Variants in EPG5 observed in about 807,000 individuals in gnomAD.
The protein encoded by EPG5 is ectopic P-granules 5 autophagy tethering factor.
EPG5 carries 159 observed loss-of-function variants against 302.7 expected under a neutral mutation model. That is an observed-to-expected ratio of 0.53 (90% CI 0.46 to 0.60). EPG5 has a LOEUF of 0.60. EPG5 is among the 20% of genes least tolerant of loss of function. The pLI is 0.00. For missense variants in EPG5, 2,896 were observed against 3,092.4 expected (o/e 0.94, Z 1.51); for synonymous variants, 1,158 against 1,136.8 (o/e 1.02, Z -0.37).
At chr18:45,935,415 G>A (rs1241140389) in intron 10 of EPG5, among the ~76,000 whole-genome samples, 1 of 152,186 alleles carries the variant, frequency 6.6e-6, no homozygotes, top group Admixed American at 6.5e-5. Context: ...GGTGGCGCAT[G>A]CCTGTAATTC....
intron 28 of EPG5, among the ~76,000 whole-genome samples, chr18:45,888,138 C>T (rs927360028): frequency 1.3e-5 from 2 of 151,708 alleles, no homozygotes; most frequent in Non-Finnish European, 2.9e-5. Context: ...CAGAGTCTCA[C>T]TCTGTCACCC....
chr18:45,882,326 A>G lies in EPG5; in HGVS notation c.5466T>C (p.Leu1822=), dbSNP rs1252216620. ...TGTACTGGTCAGGAAACTGGTAGAG[A>G]AGAAGATAAGTCCAGTGCTTACAGA... ...NLFCKHWTYL[L]LYQFPDQYSD... Residue 1822 remains leucine (L), a synonymous_variant, in exon 31 of 44, where the codon CTT becomes CTC. Coordinates refer to ENST00000282041, the MANE Select transcript of EPG5 (RefSeq NM_020964.3). 4.3e-6 allele frequency: 7 copies of G among 1,614,064 alleles called. No homozygotes were observed. The African/African-American group carries it at 6.7e-5, about 15-fold the overall frequency.
intron 35 of EPG5, among the ~76,000 whole-genome samples, chr18:45,871,358 G>A (rs2048868543): frequency 6.6e-6 from 1 of 152,058 alleles, no homozygotes; most frequent in Non-Finnish European, 1.5e-5. Flanking sequence ...AACCATTATG[G>A]AAAAAGGCAT....
At chr18:45,901,471 T>G (rs185883849) in intron 25 of EPG5, among the ~76,000 whole-genome samples, 13 of 152,168 alleles carry the variant, frequency 8.5e-5, no homozygotes, top group Non-Finnish European at 1.9e-4. Context: ...AATAATGGTT[T>G]AGGTAAATGG....
At chr18:45,920,297 A>C (rs1046421370) in intron 16 of EPG5, among the ~76,000 whole-genome samples, 6 of 152,230 alleles carry the variant, frequency 3.9e-5, no homozygotes, top group African/African-American at 1.2e-4. Context: ...AATAAAACAC[A>C]GTGAGTGTGC....
the EPG5 span, among the ~76,000 whole-genome samples, chr18:45,804,504 T>A: frequency 6.6e-6 from 1 of 152,066 alleles, no homozygotes; most frequent in African/African-American, 2.4e-5. Context: ...TGGCAAAGTG[T>A]CAAAAGCATG....
In EPG5 at chr18:45,916,414, C is replaced by G. The variant is rs1051867345; in HGVS notation, c.3384+24G>C. Reference sequence around the variant, plus strand: ...GGTTGGGAAGACAGGCGGGAGTGTGCTTAGGGGCTTGCAAGGCCCTCACCT... The same window carrying G: ...GGTTGGGAAGACAGGCGGGAGTGTGGTTAGGGGCTTGCAAGGCCCTCACCT... On this transcript the variant is annotated intron_variant, in intron 18 of 43. Transcript: ENST00000282041. 3 of 1,602,362 alleles carry G rather than the reference C, an allele frequency of 1.9e-6. No homozygotes were observed. In the African/African-American group the frequency reaches 4.0e-5, roughly 21 times the overall value.
intron 1 of EPG5, among the ~76,000 whole-genome samples, chr18:45,964,320 A>G (rs927900135): frequency 6.6e-6 from 1 of 152,224 alleles, no homozygotes; most frequent in Non-Finnish European, 1.5e-5. Flanking sequence ...CTGGATTGAG[A>G]GTCAGGATTT....
At chr18:45,878,265 G>T in intron 34 of EPG5, 111 bp downstream of exon 34, 1 of 677,432 alleles carries the variant, frequency 1.5e-6, no homozygotes, top group South Asian at 1.8e-5. Context: ...ATTTAAATAT[G>T]GCCTTACACT....
intron 31 of EPG5, 103 bp from the exon 32 acceptor site, chr18:45,880,326 C>A: frequency 1.8e-6 from 2 of 1,139,138 alleles, no homozygotes; most frequent in Non-Finnish European, 2.3e-6. Flanking sequence ...AAAAATAAAG[C>A]CAAAATCCAA....
chr18:45,921,904 A>G (rs2050161516), intron 16 of EPG5, among the ~76,000 whole-genome samples: 1 of 151,590 alleles, frequency 6.6e-6, no homozygotes, highest in Non-Finnish European at 1.5e-5. Context: ...TGGCACATGT[A>G]TATGTATGTA....
chr18:45,902,660 T>C (rs188465570), intron 25 of EPG5, among the ~76,000 whole-genome samples: 188 of 152,338 alleles, frequency 1.2e-3, no homozygotes, highest in African/African-American at 4.4e-3. Context: ...ATTAAATCAT[T>C]TGATATAATC....
rs766875773 is a variant in EPG5, at chr18:45,904,086, C to A, written c.4361G>T (p.Arg1454Leu). The change falls in exon 25 of 44, where the codon CGC (arginine) becomes CTC (leucine). Residue 1454 changes from arginine to leucine, a missense_variant. Physicochemically the swap from Arg to Leu is moderately radical, Grantham distance 102. This residue lies in a region of EPG5 where 790 missense variants were observed against 798.0 expected (regional missense o/e 0.99). Transcript: ENST00000282041. ...DLWMEYLNME[R>L]IYHEFQETVG... ...AGTCTCCTGAAACTCATGATAGATGCGCTCCATGTTCAAATACTCCATCCA... is the reference window on the plus strand; with the variant it reads ...AGTCTCCTGAAACTCATGATAGATGAGCTCCATGTTCAAATACTCCATCCA... 1.2e-6 allele frequency: 2 copies of A among 1,612,246 alleles called. No homozygotes were observed. Among genetic ancestry groups the A allele is most frequent in the Admixed American group, 3.4e-5 (2 of 59,268 alleles).
At chr18:45,943,443 C>T in intron 8 of EPG5, 132 bp from the exon 9 acceptor site, 1 of 709,082 alleles carries the variant, frequency 1.4e-6, no homozygotes, top group South Asian at 2.0e-5. Context: ...ATTACTCTGG[C>T]TCCCATATCA....
chr18:45,803,528 C>T, the EPG5 span, among the ~76,000 whole-genome samples: 541 of 152,326 alleles, frequency 3.6e-3, 4 homozygotes, highest in African/African-American at 0.012. Context: ...TGAGAAGAAA[C>T]TCACCATCTT....
intron 5 of EPG5, 53 bp downstream of exon 5, chr18:45,949,431 T>C (rs1389468891): frequency 1.0e-6 from 1 of 995,192 alleles, no homozygotes; most frequent in Non-Finnish European, 1.5e-6. Flanking sequence ...AGGAATAATG[T>C]CTAATAAAAC....
chr18:45,842,423 CTGTGTG>C, the EPG5 span: 4 of 447,566 alleles, frequency 8.9e-6, no homozygotes, highest in Admixed American at 3.7e-5. Flanking sequence ...GTGCATACGT[CTGTGTG>C]TGTGTGTGTG....
In EPG5 at chr18:45,847,644, T is replaced by G. The variant is rs1472909234; in HGVS notation, c.*4823A>C. 6.6e-6 allele frequency: 1 copy of G among 152,642 alleles called. No individual in the cohort carries two copies. Among genetic ancestry groups the G allele is most frequent in the African/African-American group, 2.4e-5 (1 of 41,456 alleles). The allele number at this position is 152,642 out of a possible 1,614,324, so 9.5% of individuals were successfully genotyped here. ...TCGAATCTAGTTTATTTGCAGAATT[T>G]TACTTAACCAGTTGTCATTTCTTCC... On this transcript the variant is annotated 3_prime_UTR_variant, in exon 44 of 44. Coordinates refer to ENST00000282041, the MANE Select transcript of EPG5 (RefSeq NM_020964.3).
the EPG5 span, among the ~76,000 whole-genome samples, chr18:45,826,314 CAAT>C: frequency 6.6e-6 from 1 of 152,104 alleles, no homozygotes; most frequent in Non-Finnish European, 1.5e-5. Flanking sequence ...GTTTAAGCAA[CAAT>C]GTCATCAGTC....
Sources: gnomAD v4.1 joint callset for allele counts (sites outside exome capture counted in the v4.1 genomes callset) on GRCh38, gnomAD v4.1.1 for gene constraint, gnomAD v4.1.1 regional missense constraint, MANE v1.5 for transcripts, NCBI Gene and HGNC (gene_info 2026-07-23, HGNC 2026-07-21) for gene names.